CALM3: variants seen among roughly 807,000 people sequenced by gnomAD.
The protein encoded by CALM3 is calmodulin-3.
CALM3 carries 5 observed loss-of-function variants against 20.1 expected under a neutral mutation model. The ratio of observed to expected loss-of-function variants is 0.25; its 90% CI spans 0.13 to 0.52. The LOEUF (loss-of-function observed/expected upper bound fraction) is 0.52. Among genes scored for constraint, CALM3 ranks in the 20% least tolerant of loss-of-function variants. The pLI is 0.96. For synonymous variants in CALM3, 69 were observed against 68.1 expected, an observed-to-expected ratio of 1.01 and a Z score of -0.06; for missense variants, 57 against 192.8, an observed-to-expected ratio of 0.30 and a Z score of 4.17.
Position 46,608,494 on chromosome 19 carries a change from T to C in CALM3, c.191T>C (p.Ile64Thr). The C allele has an allele frequency of 6.2e-7, 1 of 1,613,948 alleles. No homozygotes were observed. Among genetic ancestry groups the C allele is most frequent in the Non-Finnish European group, 8.5e-7 (1 of 1,179,812 alleles). ...CCCCACCTTCCAGGGAACGGGACCATTGACTTCCCGGAGTTCCTGACCATG... is the reference window on the plus strand; with the variant it reads ...CCCCACCTTCCAGGGAACGGGACCACTGACTTCCCGGAGTTCCTGACCATG... ...NEVDADGNGT[I>T]DFPEFLTMMA... The change falls in exon 4 of 6, where the codon ATT (isoleucine) becomes ACT (threonine). Residue 64 changes from isoleucine (I) to threonine (T), a missense_variant. Ile to Thr is a moderately conservative substitution (Grantham distance 89). Transcript: ENST00000291295. This position sits in a 1 kb window ranked among gnomAD's most constrained non-coding sequence, Gnocchi z 5.5.
rs1330512261 is a variant in CALM3 at position 46,609,161 on chromosome 19, C to T, written c.*8C>T. The T allele has an allele frequency of 1.2e-6, 2 of 1,613,708 alleles. No individual in the cohort carries two copies. Among genetic ancestry groups the T allele is most frequent in the Non-Finnish European group, 1.7e-6 (2 of 1,179,878 alleles). ...ATGATGACTGCAAAGTGAAGGCCCC[C>T]CGGGCAGCTGGCGATGCCCGTTCTC... On this transcript the variant is annotated 3_prime_UTR_variant, in exon 6 of 6. Transcript: ENST00000291295.
chr19:46,601,429 C>A lies in CALM3; in HGVS notation c.-6C>A, dbSNP rs1057523541. On this transcript the variant is annotated 5_prime_UTR_variant, in exon 1 of 6. Coordinates refer to ENST00000291295, the MANE Select transcript of CALM3 (RefSeq NM_005184.4). The surrounding 1 kb of genome is among the most constrained non-coding windows in gnomAD (Gnocchi z 4.2). ...TCCCCGTGCTCCGGACACCCCGGGC[C>A]TCGCCATGGTGAGTGAGGCTGGGGG... 25 of 1,503,482 alleles carry A rather than the reference C, an allele frequency of 1.7e-5. No homozygotes were observed. The highest frequency in any genetic ancestry group is 2.1e-5 in the Non-Finnish European group (24 of 1,127,548). The allele number at this position is 1,503,482 out of a possible 1,614,324, so 93.1% of individuals were successfully genotyped here.
intron 2 of CALM3, chr19:46,607,973 C>T (rs988347371): frequency 1.5e-5 from 8 of 521,564 alleles, no homozygotes; most frequent in Admixed American, 1.0e-4. Flanking sequence ...ATAGCTTCAC[C>T]TAGCACAGTG....
chr19:46,601,455 G>C lies in CALM3; in HGVS notation c.3+18G>C. ...TCGCCATGGTGAGTGAGGCTGGGGGGTCGCCGAGGCTGCGGGCTCTGAGGC... is the reference window on the plus strand; with the variant it reads ...TCGCCATGGTGAGTGAGGCTGGGGGCTCGCCGAGGCTGCGGGCTCTGAGGC... On this transcript the variant is annotated intron_variant, in intron 1 of 5. Transcript: ENST00000291295. The surrounding 1 kb of genome is among the most constrained non-coding windows in gnomAD (Gnocchi z 4.2). 6.7e-7 allele frequency: 1 copy of C among 1,493,292 alleles called. No homozygotes were observed. 92.5% of individuals were successfully genotyped at this position (1,493,292 alleles called of 1,614,324 possible).
In CALM3 at chr19:46,605,475, A is replaced by C. The variant is rs1002509978; in HGVS notation, c.4-352A>C. ...CACTGATGAGATGCAAACCTGTGCC[A>C]GGCCTCACCAGCGCTGCTGGTTTGG... On this transcript the variant is annotated intron_variant, in intron 1 of 5. Coordinates refer to ENST00000291295, the MANE Select transcript of CALM3 (RefSeq NM_005184.4). This position sits in a 1 kb window ranked among gnomAD's most constrained non-coding sequence, Gnocchi z 4.1. Among the ~76,000 whole-genome samples, 3 of 152,328 alleles carry C rather than the reference A, an allele frequency of 2.0e-5. No individual in the cohort carries two copies. The highest frequency in any genetic ancestry group is 4.4e-5 in the Non-Finnish European group (3 of 68,026).
intron 1 of CALM3, chr19:46,602,071 C>T (rs1971633179): frequency 7.7e-7 from 1 of 1,297,754 alleles, no homozygotes; most frequent in Admixed American, 2.3e-5. Flanking sequence ...CAGAGCCCAG[C>T]ACTGCAGAGG....
chr19:46,601,997 G>A lies in CALM3; in HGVS notation c.3+560G>A, dbSNP rs1971629735. 1.1e-6 allele frequency: 1 copy of A among 876,968 alleles called. No individual in the cohort carries two copies. The highest frequency in any genetic ancestry group is 1.6e-6 in the Non-Finnish European group (1 of 636,432). 54.3% of individuals were successfully genotyped at this position (876,968 alleles called of 1,614,324 possible). A position where few individuals can be genotyped will look rare whatever the true frequency, so the allele number is the denominator to read the frequency against. ...CTGTGGAGCAGAGGAGAGGGTCAAG[G>A]ATGGGCGGTCACTTCTACAGATGAG... On this transcript the variant is annotated intron_variant, in intron 1 of 5. Coordinates refer to ENST00000291295, the MANE Select transcript of CALM3 (RefSeq NM_005184.4). This position sits in a 1 kb window ranked among gnomAD's most constrained non-coding sequence, Gnocchi z 4.2.
chr19:46,608,066 G>T lies in CALM3; in HGVS notation c.35-131G>T. 1 of 824,866 alleles carries T rather than the reference G, an allele frequency of 1.2e-6. No individual in the cohort carries two copies. Among genetic ancestry groups the T allele is most frequent in the Non-Finnish European group, 1.9e-6 (1 of 518,538 alleles). The allele number at this position is 824,866 out of a possible 1,614,324, so 51.1% of individuals were successfully genotyped here. On this transcript the variant is annotated intron_variant, in intron 2 of 5. Coordinates refer to ENST00000291295, the MANE Select transcript of CALM3 (RefSeq NM_005184.4). This position sits in a 1 kb window ranked among gnomAD's most constrained non-coding sequence, Gnocchi z 5.5. The stretch of plus-strand genomic sequence containing the variant: ...AGAGAGAGCTGGTTGCGTGGGACTT[G>T]AAGTCTGTCTCAGTTTCTTTAGGTG...
chr19:46,609,061 G>A (rs1323976583), intron 5 of CALM3, 64 bp from the exon 6 acceptor site: 2 of 1,612,938 alleles, frequency 1.2e-6, no homozygotes, highest in African/African-American at 2.7e-5. Flanking sequence ...CCCTCTTGTT[G>A]GGGAGGGCCG....
chr19:46,604,547 G>GT (rs34621966), intron 1 of CALM3, among the ~76,000 whole-genome samples: 68,321 of 133,698 alleles, frequency 0.51, 18,004 homozygotes, highest in African/African-American at 0.63. Flanking sequence ...CTTCCGTTAG[G>GT]TTTTTTTTTT....
rs1364003501 is a variant in CALM3 at position 46,608,168 on chromosome 19, CCT to C, written c.35-26_35-25del. 1.2e-6 allele frequency: 2 copies of C among 1,607,112 alleles called. No individual in the cohort carries two copies. Among genetic ancestry groups the C allele is most frequent in the Admixed American group, 1.7e-5 (1 of 59,694 alleles). ...AAGGATTCTCCTGTGGACCTTGTGA[CCT>C]CTGACTCCTCCCCCTTCTTCCCCCA... On this transcript the variant is annotated intron_variant, in intron 2 of 5. Coordinates refer to ENST00000291295, the MANE Select transcript of CALM3 (RefSeq NM_005184.4). This position sits in a 1 kb window ranked among gnomAD's most constrained non-coding sequence, Gnocchi z 5.5.
At chr19:46,603,018 G>A (rs1971666768) in intron 1 of CALM3, among the ~76,000 whole-genome samples, 1 of 152,226 alleles carries the variant, frequency 6.6e-6, no homozygotes, top group African/African-American at 2.4e-5. Context: ...CCCTCGCTGA[G>A]CGTGTCTGTT....
At chr19:46,607,200 C>T (rs1971759855) in intron 2 of CALM3, among the ~76,000 whole-genome samples, 1 of 152,186 alleles carries the variant, frequency 6.6e-6, no homozygotes, top group African/African-American at 2.4e-5. Flanking sequence ...CCCAAAGAGA[C>T]TCTTGCCATG....
At chr19:46,606,009 G>A in intron 2 of CALM3, 152 bp downstream of exon 2, 1 of 687,772 alleles carries the variant, frequency 1.5e-6, no homozygotes, top group Non-Finnish European at 2.6e-6. Flanking sequence ...TGATAAATGT[G>A]TGTAAGAGCA....
At position 46,601,852 on chromosome 19, in the gene CALM3, A is replaced by T. The variant is rs571073805; in HGVS notation, c.3+415A>T. Among the ~76,000 whole-genome samples the T allele has an allele frequency of 5.2e-4, 79 of 151,566 alleles. No homozygotes were observed. The highest frequency in any genetic ancestry group is 1.9e-3 in the African/African-American group (77 of 41,358). On this transcript the variant is annotated intron_variant, in intron 1 of 5. Transcript: ENST00000291295. This position sits in a 1 kb window ranked among gnomAD's most constrained non-coding sequence, Gnocchi z 4.2. The stretch of plus-strand genomic sequence containing the variant: ...GGGGAGGGGAGCTATTCGGGCCCTG[A>T]TGAAGGCGTTTGGTCCTGAGAGGAT...
Position 46,605,822 on chromosome 19 carries a change from T to A in CALM3, c.4-5T>A. The A allele has an allele frequency of 6.2e-7, 1 of 1,614,138 alleles. No homozygotes were observed. The highest frequency in any genetic ancestry group is 8.5e-7 in the Non-Finnish European group (1 of 1,179,974). ...TGACTGACTTTCCCCTTCATGCTTTTACAGGCTGACCAGCTGACTGAGGAG... is the reference window on the plus strand; with the variant it reads ...TGACTGACTTTCCCCTTCATGCTTTAACAGGCTGACCAGCTGACTGAGGAG... On this transcript the variant is annotated splice_polypyrimidine_tract_variant and splice_region_variant and intron_variant, in intron 1 of 5. Coordinates refer to ENST00000291295, the MANE Select transcript of CALM3 (RefSeq NM_005184.4). The surrounding 1 kb of genome is among the most constrained non-coding windows in gnomAD (Gnocchi z 4.1).
intron 2 of CALM3, among the ~76,000 whole-genome samples, chr19:46,607,253 G>A (rs1220831179): frequency 2.6e-5 from 4 of 152,146 alleles, no homozygotes; most frequent in Non-Finnish European, 5.9e-5. Flanking sequence ...TCCCAGCTGT[G>A]CATGTCCCTC....
At chr19:46,606,136 C>T (rs1308880888) in intron 2 of CALM3, 2 of 389,262 alleles carry the variant, frequency 5.1e-6, no homozygotes, top group East Asian at 5.8e-5. Context: ...TCAGTGGCTG[C>T]AGGACGAGCC....
chr19:46,605,854 G>A lies in CALM3; in HGVS notation c.31G>A (p.Ala11Thr). 7 of 1,613,998 alleles carry A rather than the reference G, an allele frequency of 4.3e-6. No individual in the cohort carries two copies. Among genetic ancestry groups the A allele is most frequent in the Non-Finnish European group, 5.9e-6 (7 of 1,179,878 alleles). ...TGACCAGCTGACTGAGGAGCAGATT[G>A]CAGGTGAGTCTGCTATCCCCCTCAT... Reference protein sequence around the residue: MADQLTEEQIAEFKEAFSLFD... With the variant: MADQLTEEQITEFKEAFSLFD... Residue 11 changes from alanine to threonine, a missense_variant, in exon 2 of 6, where the codon GCA becomes ACA. Ala to Thr is a moderately conservative substitution (Grantham distance 58). Coordinates refer to ENST00000291295, the MANE Select transcript of CALM3 (RefSeq NM_005184.4). This position sits in a 1 kb window ranked among gnomAD's most constrained non-coding sequence, Gnocchi z 4.1.
Sources: gnomAD v4.1 joint callset for allele counts (sites outside exome capture counted in the v4.1 genomes callset) on GRCh38, gnomAD v4.1.1 for gene constraint, Gnocchi (gnomAD v3.1) non-coding constraint, MANE v1.5 for transcripts, NCBI Gene and HGNC (gene_info 2026-07-23, HGNC 2026-07-21) for gene names.